CIMIP2C: variants seen among roughly 807,000 people sequenced by gnomAD.
CIMIP2C encodes UPF0573 protein C2orf70.
chr2:26,567,747 G>A, the CIMIP2C span, among the ~76,000 whole-genome samples: 2 of 152,308 alleles, frequency 1.3e-5, no homozygotes, highest in African/African-American at 2.4e-5. Flanking sequence ...GTGCCCATTC[G>A]TTAGTATTAG....
the CIMIP2C span, among the ~76,000 whole-genome samples, chr2:26,571,671 C>A: frequency 6.6e-6 from 1 of 152,144 alleles, no homozygotes; most frequent in Non-Finnish European, 1.5e-5. Flanking sequence ...AATCCAAACA[C>A]CCTGAATTAT....
At chr2:26,569,140 C>T in the CIMIP2C span, among the ~76,000 whole-genome samples, 1 of 151,976 alleles carries the variant, frequency 6.6e-6, no homozygotes, top group African/African-American at 2.4e-5. Flanking sequence ...CATGGAGGCT[C>T]CATGGGAAAG....
the CIMIP2C span, among the ~76,000 whole-genome samples, chr2:26,576,702 C>G: frequency 6.6e-6 from 1 of 152,198 alleles, no homozygotes; most frequent in African/African-American, 2.4e-5. Flanking sequence ...CTGAGTCACT[C>G]TCAGCCCCAG....
At chr2:26,576,113 C>A in the CIMIP2C span, 1 of 1,614,192 alleles carries the variant, frequency 6.2e-7, no homozygotes. Context: ...GCTGCACAAG[C>A]CCAGCTACAC....
At chr2:26,573,681 G>A in the CIMIP2C span, among the ~76,000 whole-genome samples, 1 of 152,246 alleles carries the variant, frequency 6.6e-6, no homozygotes, top group Non-Finnish European at 1.5e-5. Context: ...GGGGGCCAAG[G>A]AGGAAGGGCA....
chr2:26,570,465 C>T, the CIMIP2C span, among the ~76,000 whole-genome samples: 1 of 152,172 alleles, frequency 6.6e-6, no homozygotes, highest in South Asian at 2.1e-4. Flanking sequence ...AAGGAGAACA[C>T]GGATTAGCAG....
chr2:26,572,452 T>G, the CIMIP2C span, among the ~76,000 whole-genome samples: 2 of 152,110 alleles, frequency 1.3e-5, no homozygotes, highest in Admixed American at 1.3e-4. Flanking sequence ...GCTGAGCCCT[T>G]TCATGCTAGG....
At chr2:26,565,059 T>TTCTC in the CIMIP2C span, among the ~76,000 whole-genome samples, 27 of 143,318 alleles carry the variant, frequency 1.9e-4, no homozygotes, top group Middle Eastern at 3.5e-3. Context: ...TTCTCCTTCT[T>TTCTC]CTTCCCCTTC....
chr2:26,568,586 A>C, the CIMIP2C span, among the ~76,000 whole-genome samples: 104,259 of 152,108 alleles, frequency 0.69, 36,983 homozygotes, highest in East Asian at 0.9. Flanking sequence ...CCATTTGTCA[A>C]TTCCATTCAA....
chr2:26,579,313 A>C, the CIMIP2C span: 1 of 1,614,020 alleles, frequency 6.2e-7, no homozygotes, highest in Non-Finnish European at 8.5e-7. Context: ...GTGCCCAAAG[A>C]AGAAGTGGCA....
At chr2:26,578,785 G>A in the CIMIP2C span, 2 of 471,104 alleles carry the variant, frequency 4.2e-6, no homozygotes, top group Non-Finnish European at 8.8e-6. Context: ...AGGTTGCCTG[G>A]CCACTTGCAC....
the CIMIP2C span, among the ~76,000 whole-genome samples, chr2:26,576,955 CT>C: frequency 1.3e-5 from 2 of 152,246 alleles, no homozygotes; most frequent in Admixed American, 6.5e-5. Context: ...AAGCCTCCCC[CT>C]CTAGCCTGAT....
chr2:26,576,093 G>A, the CIMIP2C span: 278 of 1,614,140 alleles, frequency 1.7e-4, 1 homozygote, highest in Admixed American at 1.3e-3. Context: ...GCCAGCACCC[G>A]GGACCGCTGG....
chr2:26,574,180 G>T, the CIMIP2C span, among the ~76,000 whole-genome samples: 1 of 152,194 alleles, frequency 6.6e-6, no homozygotes, highest in Non-Finnish European at 1.5e-5. Flanking sequence ...GAGGTGATGG[G>T]GCTGGAGAGC....
At chr2:26,565,847 C>G in the CIMIP2C span, among the ~76,000 whole-genome samples, 1 of 152,240 alleles carries the variant, frequency 6.6e-6, no homozygotes, top group African/African-American at 2.4e-5. Flanking sequence ...AATAACAAAG[C>G]TGGTCTTCAG....
At chr2:26,562,763 C>T in the CIMIP2C span, 3 of 1,294,250 alleles carry the variant, frequency 2.3e-6, no homozygotes, top group Non-Finnish European at 3.3e-6. Context: ...AGCCCCCTGC[C>T]CCCGGACTTT....
the CIMIP2C span, chr2:26,576,208 C>T: frequency 6.3e-7 from 1 of 1,588,140 alleles, no homozygotes; most frequent in East Asian, 2.2e-5. Flanking sequence ...GTGGCCTCCC[C>T]TCCTGCCCAC....
chr2:26,577,782 G>A, the CIMIP2C span: 1 of 591,638 alleles, frequency 1.7e-6, no homozygotes, highest in Non-Finnish European at 2.9e-6. Context: ...ACAGAGCAAG[G>A]GGGTCAGGGC....
chr2:26,566,565 G>A, the CIMIP2C span, among the ~76,000 whole-genome samples: 2 of 152,222 alleles, frequency 1.3e-5, no homozygotes, highest in Non-Finnish European at 2.9e-5. Context: ...GTCCTTAATT[G>A]CAGAGTTGGG....
Sources: allele counts gnomAD v4.1 joint callset (sites outside exome capture counted in the v4.1 genomes callset), GRCh38; gene constraint gnomAD v4.1.1; transcripts MANE v1.5; gene names NCBI Gene and HGNC (gene_info 2026-07-23, HGNC 2026-07-21).